The following ALDH9A1 variants were observed in gnomAD, a reference collection of about 807,000 sequenced individuals.
The protein encoded by ALDH9A1 is aldehyde dehydrogenase 9 family member A1.
Under a neutral mutation model 56.6 loss-of-function variants are expected in ALDH9A1, and 42 were observed. The observed-to-expected ratio is 0.74, with a 90% CI of 0.58 to 0.96. The LOEUF is 0.96. ALDH9A1 is among the 40% of genes least tolerant of loss of function. The pLI, the probability that ALDH9A1 is intolerant of heterozygous loss-of-function variation, is 0.00. For missense variants in ALDH9A1, 661 were observed against 651.5 expected, an observed-to-expected ratio of 1.01 and a Z score of -0.16; for synonymous variants, 242 against 236.0, an observed-to-expected ratio of 1.03 and a Z score of -0.23.
rs540669550 is a variant in ALDH9A1, at chr1:165,680,425, T to C, written c.789+62A>G. 7 of 1,551,604 alleles carry C rather than the reference T, an allele frequency of 4.5e-6. No individual in the cohort carries two copies. In the South Asian group the frequency reaches 8.1e-5, roughly 18 times the overall value. ...AGAAGCCTCCAAAATATACTCTGGG[T>C]AGGACCGGATTTGCCACATCCAAAT... On this transcript the variant is annotated intron_variant, in intron 5 of 10. Coordinates refer to ENST00000354775, the MANE Select transcript of ALDH9A1 (RefSeq NM_000696.4).
At chr1:165,674,266 G>A (rs764702794) in intron 6 of ALDH9A1, among the ~76,000 whole-genome samples, 33 of 138,126 alleles carry the variant, frequency 2.4e-4, no homozygotes, top group Non-Finnish European at 3.6e-4. Context: ...CTCTGCCTAT[G>A]GAGTAGGCAT....
intron 6 of ALDH9A1, among the ~76,000 whole-genome samples, chr1:165,678,443 T>C (rs1018454488): frequency 1.3e-5 from 2 of 152,152 alleles, no homozygotes; most frequent in Admixed American, 6.5e-5. Flanking sequence ...CTGATATAAA[T>C]AAATGAATGG....
Position 165,667,427 on chromosome 1 carries a change from A to C in ALDH9A1, c.1231T>G (p.Cys411Gly). Residue 411 changes from cysteine to glycine, a missense_variant, in exon 9 of 11, where the codon TGT becomes GGT. Cys to Gly is a radical substitution (Grantham distance 159). Transcript: ENST00000354775. ...GGCCCAAAGATCTCTTCCTTCACAC[A>C]GGTCATGTCGTCTCTGCAATTAGCT... The part of the protein sequence containing the change: ...VLTNCRDDMT[C>G]VKEEIFGPVM... 1.2e-6 allele frequency: 2 copies of C among 1,614,058 alleles called. No homozygotes were observed. Among genetic ancestry groups the C allele is most frequent in the Non-Finnish European group, 1.7e-6 (2 of 1,179,968 alleles).
intron 2 of ALDH9A1, among the ~76,000 whole-genome samples, chr1:165,687,127 A>AAC (rs1649733762): frequency 6.6e-6 from 1 of 151,968 alleles, no homozygotes. Context: ...CTGAAAACAA[A>AAC]ACACACACAC....
At chr1:165,691,323 G>A (rs1175033025) in intron 2 of ALDH9A1, among the ~76,000 whole-genome samples, 1 of 152,156 alleles carries the variant, frequency 6.6e-6, no homozygotes, top group Non-Finnish European at 1.5e-5. Context: ...AAAACTAACA[G>A]AAAGGAATAG....
intron 2 of ALDH9A1, among the ~76,000 whole-genome samples, chr1:165,687,979 C>T (rs1296758638): frequency 6.7e-6 from 1 of 148,316 alleles, no homozygotes; most frequent in African/African-American, 2.5e-5. Flanking sequence ...GAGAGAGAGA[C>T]TCCTCTCAAA....
At chr1:165,695,141 C>T in intron 2 of ALDH9A1, 111 bp downstream of exon 2, 2 of 1,254,062 alleles carry the variant, frequency 1.6e-6, no homozygotes, top group Non-Finnish European at 2.2e-6. Context: ...AATGTTTTTC[C>T]ATTTTATAAA....
At chr1:165,689,332 G>C (rs2348734) in intron 2 of ALDH9A1, among the ~76,000 whole-genome samples, 105,659 of 152,050 alleles carry the variant, frequency 0.69, 37,015 homozygotes, top group East Asian at 0.98. Flanking sequence ...TAAAGATAAA[G>C]AAATCTGGAG....
intron 2 of ALDH9A1, among the ~76,000 whole-genome samples, chr1:165,692,834 C>T (rs532050407): frequency 2.0e-5 from 3 of 151,982 alleles, no homozygotes; most frequent in Non-Finnish European, 4.4e-5. Flanking sequence ...GCTACAGTAA[C>T]CAAAACAGCA....
chr1:165,669,342 C>CT lies in ALDH9A1; in HGVS notation c.1038_1039insA (p.Glu347ArgfsTer30). 1 of 1,614,036 alleles carries CT rather than the reference C, an allele frequency of 6.2e-7. No homozygotes were observed. Among genetic ancestry groups the CT allele is most frequent in the South Asian group, 1.1e-5 (1 of 91,072 alleles). Reference sequence around the variant, plus strand: ...ATGAGTGGACCCATCCTTGTATCTTCCAGAAGGGGATCTCCAATTTTAATC... The same window carrying CT: ...ATGAGTGGACCCATCCTTGTATCTTCTCAGAAGGGGATCTCCAATTTTAATC... On this transcript the variant is annotated frameshift_variant, in exon 7 of 11. Coordinates refer to ENST00000354775, the MANE Select transcript of ALDH9A1 (RefSeq NM_000696.4). LOFTEE classifies it high-confidence loss of function.
At chr1:165,671,254 T>G in intron 6 of ALDH9A1, 1 of 222,516 alleles carries the variant, frequency 4.5e-6, no homozygotes, top group Non-Finnish European at 9.2e-6. Flanking sequence ...ACAGCTGCCA[T>G]CATGGGTCAC....
intron 1 of ALDH9A1, 144 bp downstream of exon 1, chr1:165,698,234 T>C (rs1228984105): frequency 7.2e-7 from 1 of 1,387,328 alleles, no homozygotes; most frequent in African/African-American, 1.5e-5. Flanking sequence ...AATCGCTAGT[T>C]GCCTACACAC....
chr1:165,670,371 T>C (rs970877730), intron 6 of ALDH9A1, among the ~76,000 whole-genome samples: 1 of 151,600 alleles, frequency 6.6e-6, no homozygotes, highest in Non-Finnish European at 1.5e-5. Flanking sequence ...AGGTCAAGGA[T>C]ACACACAGTG....
At chr1:165,696,261 T>C (rs12081464) in intron 1 of ALDH9A1, among the ~76,000 whole-genome samples, 4,245 of 152,240 alleles carry the variant, frequency 0.028, 186 homozygotes, top group African/African-American at 0.097. Flanking sequence ...TACAGGAATG[T>C]CATGTCCCCT....
At chr1:165,698,347 C>T in intron 1 of ALDH9A1, 31 bp downstream of exon 1, 1 of 1,569,650 alleles carries the variant, frequency 6.4e-7, no homozygotes, top group Non-Finnish European at 8.6e-7. Context: ...GGCCCCAGGG[C>T]GCCCCAGCCT....
chr1:165,692,204 G>A (rs1041316284), intron 2 of ALDH9A1, among the ~76,000 whole-genome samples: 2 of 152,174 alleles, frequency 1.3e-5, no homozygotes, highest in African/African-American at 4.8e-5. Context: ...ACATAGTGTT[G>A]GAAGTTCTGG....
Position 165,682,338 on chromosome 1 carries a change from G to T in ALDH9A1, c.458-97C>A, listed in dbSNP as rs906504613. 11 of 1,342,042 alleles carry T rather than the reference G, an allele frequency of 8.2e-6. No homozygotes were observed. In the African/African-American group the frequency reaches 1.5e-4, roughly 18 times the overall value. The allele number at this position is 1,342,042 out of a possible 1,614,324, so 83.1% of individuals were successfully genotyped here. ...TCTGACTTGTACTCCAGTCAACGCA[G>T]CCTCCCCACTTCTCCCAATACACCA... On this transcript the variant is annotated intron_variant, in intron 3 of 10. Transcript: ENST00000354775.
rs1649042968 is a variant in ALDH9A1 at position 165,667,462 on chromosome 1, A to G, written c.1208-12T>C. The G allele has an allele frequency of 6.2e-7, 1 of 1,613,222 alleles. No homozygotes were observed. Among genetic ancestry groups the G allele is most frequent in the Non-Finnish European group, 8.5e-7 (1 of 1,179,744 alleles). On this transcript the variant is annotated splice_polypyrimidine_tract_variant and intron_variant, in intron 8 of 10. Transcript: ENST00000354775. ...GTCTCTGCAATTAGCTGCAAACATT[A>G]AAATAAAACCTCCTGAGCAGCTGGG...
intron 6 of ALDH9A1, among the ~76,000 whole-genome samples, chr1:165,674,126 T>C (rs1467601926): frequency 6.6e-6 from 1 of 151,918 alleles, no homozygotes. Context: ...CATGACAGTT[T>C]ACAAATGCCA....
Sources: allele counts gnomAD v4.1 joint callset (sites outside exome capture counted in the v4.1 genomes callset), GRCh38; gene constraint gnomAD v4.1.1; transcripts MANE v1.5; gene names NCBI Gene and HGNC (gene_info 2026-07-23, HGNC 2026-07-21).